WWOX: variants seen among roughly 807,000 people sequenced by gnomAD.
WWOX encodes WW domain-containing oxidoreductase.
Under a neutral mutation model 46.2 loss-of-function variants are expected in WWOX, and 69 were observed. The observed-to-expected ratio is 1.49, with a 90% CI of 1.23 to 1.82. The LOEUF (loss-of-function observed/expected upper bound fraction) is 1.82, where lower values mean the gene tolerates loss of function less well. Ranked by LOEUF, WWOX falls within the 40% of genes most tolerant of loss-of-function variation. The pLI is 0.00. For synonymous variants in WWOX, 359 were observed against 202.6 expected (o/e 1.77, Z -6.56); for missense variants, 919 against 542.6 (o/e 1.69, Z -6.89).
intron 8 of WWOX, among the ~76,000 whole-genome samples, chr16:78,830,987 G>A (rs930367184): frequency 1.3e-5 from 2 of 152,172 alleles, no homozygotes; most frequent in African/African-American, 4.8e-5. Flanking sequence ...TTCTTTTAAA[G>A]GGCACTAATG....
chr16:78,577,573 T>C (rs1478253493), intron 8 of WWOX, among the ~76,000 whole-genome samples: 2 of 152,132 alleles, frequency 1.3e-5, no homozygotes, highest in African/African-American at 4.8e-5. Context: ...CTTCCTAGCT[T>C]TGGGACGATG....
At chr16:79,125,045 ATCT>A (rs1225488607) in intron 8 of WWOX, among the ~76,000 whole-genome samples, 1,480 of 139,066 alleles carry the variant, frequency 0.011, 16 homozygotes, top group African/African-American at 0.038. Flanking sequence ...CTATTTTCCC[ATCT>A]TTTTTTTTTT....
chr16:78,674,850 AAG>A (rs2047554272), intron 8 of WWOX, among the ~76,000 whole-genome samples: 1 of 151,858 alleles, frequency 6.6e-6, no homozygotes, highest in Admixed American at 6.6e-5. Context: ...TTCTGGAAGA[AAG>A]AGCAGATCTG....
intron 8 of WWOX, among the ~76,000 whole-genome samples, chr16:78,455,794 A>AG (rs1332553144): frequency 7.9e-6 from 1 of 125,842 alleles, no homozygotes; most frequent in East Asian, 2.2e-4. Context: ...GTGAAGGTTA[A>AG]AAAAAAAAAA....
chr16:78,717,832 A>G (rs899543379), intron 8 of WWOX, among the ~76,000 whole-genome samples: 2 of 152,036 alleles, frequency 1.3e-5, no homozygotes, highest in African/African-American at 4.8e-5. Context: ...TGCTATTTAT[A>G]TTTCCCTCTC....
chr16:78,954,160 T>C (rs1306715428), intron 8 of WWOX, among the ~76,000 whole-genome samples: 1 of 152,206 alleles, frequency 6.6e-6, no homozygotes, highest in Non-Finnish European at 1.5e-5. Flanking sequence ...AGAGTAGGCA[T>C]GATTGCATAT....
chr16:78,435,869 A>G (rs141053962), intron 8 of WWOX, among the ~76,000 whole-genome samples: 263 of 152,334 alleles, frequency 1.7e-3, no homozygotes, highest in African/African-American at 6.1e-3. Flanking sequence ...AATAATGCAT[A>G]TAACATCAAT....
intron 8 of WWOX, among the ~76,000 whole-genome samples, chr16:79,102,256 G>A (rs138880768): frequency 6.6e-4 from 100 of 152,258 alleles, no homozygotes; most frequent in African/African-American, 2.3e-3. Context: ...TGTCTGCTTA[G>A]TTCAGGTATT....
intron 8 of WWOX, among the ~76,000 whole-genome samples, chr16:78,783,723 ATGTTGATGT>A (rs1201405759): frequency 1.3e-5 from 1 of 77,208 alleles, no homozygotes; most frequent in Non-Finnish European, 2.6e-5. Flanking sequence ...GAGGGTGATG[ATGTTGATGT>A]TGATGATGAT....
intron 8 of WWOX, among the ~76,000 whole-genome samples, chr16:78,962,330 A>G (rs1333459472): frequency 2.7e-5 from 1 of 37,330 alleles, no homozygotes; most frequent in South Asian, 1.1e-3. Context: ...TTTTTTTAAA[A>G]AAAAAAAAAA....
chr16:78,965,683 T>C (rs1339041484), intron 8 of WWOX, among the ~76,000 whole-genome samples: 1 of 152,206 alleles, frequency 6.6e-6, no homozygotes, highest in African/African-American at 2.4e-5. Flanking sequence ...CCCAGTTCTG[T>C]CGTCGTCATT....
In WWOX at chr16:78,742,928, A is replaced by G. The variant is rs547899446; in HGVS notation, c.1056+310176A>G. Among the ~76,000 whole-genome samples the G allele has an allele frequency of 9.8e-4, 149 of 152,238 alleles. 1 individual carries two copies. Among genetic ancestry groups the G allele is most frequent in the African/African-American group, 3.4e-3 (140 of 41,546 alleles). ...CTTCCTGGGCCTCCCAAAAAGAGGA[A>G]GGAGAAGGCCCTGGCTTGTGGAAGA... On this transcript the variant is annotated intron_variant, in intron 8 of 8. Coordinates refer to ENST00000566780, the MANE Select transcript of WWOX (RefSeq NM_016373.4).
intron 8 of WWOX, among the ~76,000 whole-genome samples, chr16:78,441,231 T>G (rs1394202968): frequency 2.8e-4 from 43 of 152,192 alleles, no homozygotes. Flanking sequence ...CTGTAGTTTC[T>G]TATTTAATGT....
chr16:78,524,885 AG>A (rs1166437218), intron 8 of WWOX, among the ~76,000 whole-genome samples: 1 of 58,786 alleles, frequency 1.7e-5, no homozygotes, highest in Non-Finnish European at 3.0e-5. Context: ...TTTTTTTTTG[AG>A]GCAGGCCTTA....
intron 8 of WWOX, among the ~76,000 whole-genome samples, chr16:79,166,223 G>C (rs2050591789): frequency 6.6e-6 from 1 of 152,168 alleles, no homozygotes; most frequent in African/African-American, 2.4e-5. Flanking sequence ...TCTGGAGGCA[G>C]AGCACTGAGT....
At chr16:79,066,489 G>A (rs976101079) in intron 8 of WWOX, among the ~76,000 whole-genome samples, 9 of 152,142 alleles carry the variant, frequency 5.9e-5, no homozygotes, top group African/African-American at 1.9e-4. Flanking sequence ...AGGACAGAAG[G>A]AAGGAAGGGG....
At position 78,559,583 on chromosome 16, in the gene WWOX, G is replaced by A. The variant is rs147201227; in HGVS notation, c.1056+126831G>A. On this transcript the variant is annotated intron_variant, in intron 8 of 8. Transcript: ENST00000566780. ...GCTGGAAAAAAGAGGCTCTAAGTGCGTATGCTTTTAAAGCAACACTATTAG... is the reference window on the plus strand; with the variant it reads ...GCTGGAAAAAAGAGGCTCTAAGTGCATATGCTTTTAAAGCAACACTATTAG... 9.4e-4 allele frequency among the ~76,000 whole-genome samples: 143 copies of A among 152,258 alleles called. 1 individual carries two copies. Among genetic ancestry groups the A allele is most frequent in the Admixed American group, 7.7e-3 (118 of 15,296 alleles).
intron 5 of WWOX, among the ~76,000 whole-genome samples, chr16:78,176,128 C>T (rs1210859470): frequency 1.3e-5 from 2 of 152,164 alleles, no homozygotes; most frequent in South Asian, 2.1e-4. Flanking sequence ...TTCCTCTGAG[C>T]GTCTTCTATG....
At chr16:79,183,555 G>A (rs2050954292) in intron 8 of WWOX, among the ~76,000 whole-genome samples, 1 of 152,104 alleles carries the variant, frequency 6.6e-6, no homozygotes, top group African/African-American at 2.4e-5. Context: ...CTAATTTACT[G>A]TATTCTTACT....
Sources: gnomAD v4.1 joint callset for allele counts (sites outside exome capture counted in the v4.1 genomes callset) on GRCh38, gnomAD v4.1.1 for gene constraint, MANE v1.5 for transcripts, NCBI Gene and HGNC (gene_info 2026-07-23, HGNC 2026-07-21) for gene names.